The following EPB41 variants were observed in gnomAD, a reference collection of about 807,000 sequenced individuals.
EPB41 encodes protein 4.1.
In EPB41, 65 loss-of-function variants were observed where a neutral mutation model predicts 108.0. The observed-to-expected ratio is 0.60, with a 90% CI of 0.49 to 0.74. The LOEUF is 0.74. Among genes scored for constraint, EPB41 ranks in the 30% least tolerant of loss-of-function variants. The pLI is 0.00. For missense variants in EPB41, 875 were observed against 1,037.0 expected (o/e 0.84, Z 2.15); for synonymous variants, 336 against 358.9 (o/e 0.94, Z 0.72).
upstream of EPB41, chr1:28,910,932 G>C: frequency 1.0e-6 from 1 of 975,266 alleles, no homozygotes; most frequent in Non-Finnish European, 1.2e-6. Context: ...TTGGGGCATA[G>C]CACAGCTGCC....
chr1:29,102,425 C>CA (rs1477958286), intron 17 of EPB41, among the ~76,000 whole-genome samples: 14 of 151,628 alleles, frequency 9.2e-5, no homozygotes, highest in Admixed American at 5.3e-4. Flanking sequence ...TACTAAAAAA[C>CA]AAAACAAAAA....
At chr1:29,104,703 C>T (rs1271418944) in intron 17 of EPB41, among the ~76,000 whole-genome samples, 1 of 152,158 alleles carries the variant, frequency 6.6e-6, no homozygotes, top group African/African-American at 2.4e-5. Flanking sequence ...CCTGCCTCAG[C>T]CTTCTGAGTA....
chr1:28,932,589 A>G lies in EPB41; in HGVS notation c.-8+17821A>G, dbSNP rs77485945. Among the ~76,000 whole-genome samples the G allele has an allele frequency of 8.6e-3, 1,291 of 150,314 alleles. 11 individuals are homozygous for G. The highest frequency in any genetic ancestry group is 0.08 in the Middle Eastern group (23 of 288). On this transcript the variant is annotated intron_variant, in intron 1 of 20. Transcript: ENST00000343067. Reference sequence around the variant, plus strand: ...AGATGAAAAACAGGCCAAACTAGTTATATATTTTCAGTCTAAGATCTTTCT... The same window carrying G: ...AGATGAAAAACAGGCCAAACTAGTTGTATATTTTCAGTCTAAGATCTTTCT...
rs182386814 is a variant in EPB41, at chr1:28,966,758, C to T, written c.-7-20673C>T. 1.1e-4 allele frequency among the ~76,000 whole-genome samples: 17 copies of T among 152,224 alleles called. 1 individual carries two copies. Among genetic ancestry groups the T allele is most frequent in the Admixed American group, 9.2e-4 (14 of 15,268 alleles). On this transcript the variant is annotated intron_variant, in intron 1 of 20. Coordinates refer to ENST00000343067, the MANE Select transcript of EPB41 (RefSeq NM_001376013.1). ...GTAGTCTTCCAGGCAGAAGAAACCACAAATCCTAAGGTCCTGGCAAATAGC... is the reference window on the plus strand; with the variant it reads ...GTAGTCTTCCAGGCAGAAGAAACCATAAATCCTAAGGTCCTGGCAAATAGC...
chr1:28,984,467 G>A (rs1465174141), intron 1 of EPB41, among the ~76,000 whole-genome samples: 1 of 152,130 alleles, frequency 6.6e-6, no homozygotes. Flanking sequence ...GACCTTGACT[G>A]TTTTGTTTAC....
At chr1:28,989,669 T>C (rs2095959629) in intron 2 of EPB41, among the ~76,000 whole-genome samples, 1 of 152,206 alleles carries the variant, frequency 6.6e-6, no homozygotes, top group Admixed American at 6.5e-5. Context: ...AGATTTACTA[T>C]GTTCTGTAAT....
Position 29,065,031 on chromosome 1 carries a change from G to A in EPB41, c.2057G>A (p.Ser686Asn). ...ATCAAAAAACATCATGCCAGCATCA[G>A]TGAGCTGAAAAAGAACTTCATGGAG... ...EEIKKHHASI[S>N]ELKKNFMESV... The change falls in exon 16 of 21, where the codon AGT (serine) becomes AAT (asparagine). Residue 686 changes from serine (S) to asparagine (N), a missense_variant. Coordinates refer to ENST00000343067, the MANE Select transcript of EPB41 (RefSeq NM_001376013.1). 1 of 1,614,164 alleles carries A rather than the reference G, an allele frequency of 6.2e-7. No individual in the cohort carries two copies. The highest frequency in any genetic ancestry group is 2.2e-5 in the East Asian group (1 of 44,878).
intron 16 of EPB41, chr1:29,070,491 A>G (rs1650815414): frequency 1.6e-6 from 2 of 1,232,146 alleles, no homozygotes; most frequent in Non-Finnish European, 1.0e-6. Flanking sequence ...CCAATCCCTG[A>G]GGATCACAAG....
chr1:29,003,510 G>GA (rs1339268610), intron 4 of EPB41, among the ~76,000 whole-genome samples: 2 of 151,658 alleles, frequency 1.3e-5, no homozygotes, highest in Admixed American at 6.6e-5. Context: ...TTATGTTGTA[G>GA]AAAAAAAATG....
At chr1:28,964,848 T>C (rs546038149) in intron 1 of EPB41, among the ~76,000 whole-genome samples, 2 of 152,292 alleles carry the variant, frequency 1.3e-5, no homozygotes, top group African/African-American at 4.8e-5. Context: ...TTCTAGATGC[T>C]TATCCAGTTG....
intron 16 of EPB41, among the ~76,000 whole-genome samples, chr1:29,084,167 C>G (rs925967556): frequency 1.4e-4 from 21 of 152,178 alleles, no homozygotes; most frequent in Non-Finnish European, 2.8e-4. Flanking sequence ...ACCCTCATCC[C>G]CTATTCCCAC....
chr1:29,116,444 G>A (rs182361572), intron 20 of EPB41, among the ~76,000 whole-genome samples: 2 of 152,164 alleles, frequency 1.3e-5, no homozygotes, highest in East Asian at 1.9e-4. Context: ...ATGAGCCACC[G>A]CGCCTGGCCA....
At chr1:29,060,806 G>T (rs1235153096) in intron 15 of EPB41, among the ~76,000 whole-genome samples, 1 of 152,150 alleles carries the variant, frequency 6.6e-6, no homozygotes, top group African/African-American at 2.4e-5. Flanking sequence ...TTTTCCAAGA[G>T]TATAAACTTC....
In EPB41 at chr1:29,048,512, A is replaced by G. The variant is rs540755760; in HGVS notation, c.1637-4592A>G. 2.3e-3 allele frequency among the ~76,000 whole-genome samples: 350 copies of G among 152,266 alleles called. 1 individual carries two copies. The highest frequency in any genetic ancestry group is 0.019 in the South Asian group (91 of 4,830). ...AGGCGTGAGCCACCGCGCCCGGCCT[A>G]TTATTTTCTTTACGCTTTTATTGAG... On this transcript the variant is annotated intron_variant, in intron 11 of 20. Transcript: ENST00000343067.
chr1:28,935,500 C>A (rs140593582), intron 1 of EPB41, among the ~76,000 whole-genome samples: 32 of 141,602 alleles, frequency 2.3e-4, no homozygotes, highest in Admixed American at 1.0e-3. Flanking sequence ...GCACTAACTG[C>A]TTATAACTGC....
chr1:28,924,281 C>T (rs544708146), intron 1 of EPB41, among the ~76,000 whole-genome samples: 9 of 152,358 alleles, frequency 5.9e-5, no homozygotes, highest in African/African-American at 2.2e-4. Context: ...GTAATCCCAA[C>T]ACTTTGGGAG....
intron 1 of EPB41, among the ~76,000 whole-genome samples, chr1:28,947,851 A>G (rs1001837672): frequency 6.6e-6 from 1 of 152,182 alleles, no homozygotes; most frequent in Non-Finnish European, 1.5e-5. Flanking sequence ...TATACCGCAG[A>G]ATAGTTTAGC....
intron 1 of EPB41, among the ~76,000 whole-genome samples, chr1:28,895,891 G>A (rs2090610140): frequency 6.6e-6 from 1 of 152,188 alleles, no homozygotes; most frequent in Admixed American, 6.5e-5. Flanking sequence ...TACACGGCTG[G>A]TGGGAGCTAC....
intron 1 of EPB41, among the ~76,000 whole-genome samples, chr1:28,940,385 C>T (rs2094226317): frequency 6.6e-6 from 1 of 152,194 alleles, no homozygotes; most frequent in African/African-American, 2.4e-5. Flanking sequence ...GGGGCGGTGG[C>T]TCACGGCTGT....
Sources: gnomAD v4.1 joint callset for allele counts (sites outside exome capture counted in the v4.1 genomes callset) on GRCh38, gnomAD v4.1.1 for gene constraint, MANE v1.5 for transcripts, NCBI Gene and HGNC (gene_info 2026-07-23, HGNC 2026-07-21) for gene names.